The following PLCE1 variants were observed in gnomAD, a reference collection of about 807,000 sequenced individuals.
PLCE1 encodes the protein 1-phosphatidylinositol 4,5-bisphosphate phosphodiesterase epsilon-1.
Under a neutral mutation model 242.8 loss-of-function variants are expected in PLCE1, and 119 were observed. The ratio of observed to expected loss-of-function variants is 0.49; its 90% CI spans 0.42 to 0.57. The LOEUF (loss-of-function observed/expected upper bound fraction) is 0.57, where lower values mean the gene tolerates loss of function less well. PLCE1 is among the 20% of genes least tolerant of loss of function. The pLI is 0.00. For synonymous variants in PLCE1, 945 were observed against 1,017.4 expected, an observed-to-expected ratio of 0.93 and a Z score of 1.35; for missense variants, 2,441 against 2,788.8, an observed-to-expected ratio of 0.88 and a Z score of 2.81.
At chr10:94,293,766 T>C (rs2052716258) in intron 23 of PLCE1, 127 bp downstream of exon 23, 3 of 1,118,906 alleles carry the variant, frequency 2.7e-6, no homozygotes, top group Admixed American at 2.1e-5. Context: ...TGTCTGAGTA[T>C]AGTATAAATT....
intron 4 of PLCE1, among the ~76,000 whole-genome samples, chr10:94,185,975 G>A (rs182332522): frequency 3.3e-5 from 5 of 152,152 alleles, no homozygotes; most frequent in African/African-American, 9.7e-5. Flanking sequence ...GACGGACTTC[G>A]CTCCATTTCA....
intron 3 of PLCE1, among the ~76,000 whole-genome samples, chr10:94,150,666 C>T (rs2047247312): frequency 6.6e-6 from 1 of 152,160 alleles, no homozygotes; most frequent in East Asian, 1.9e-4. Context: ...TGGGAGTTCA[C>T]AGGAGGTTGA....
chr10:94,011,139 G>A (rs1453594344), intron 1 of PLCE1, among the ~76,000 whole-genome samples: 1 of 152,176 alleles, frequency 6.6e-6, no homozygotes, highest in Non-Finnish European at 1.5e-5. Context: ...CAGGCTGTAT[G>A]AGTATGGCAC....
intron 5 of PLCE1, among the ~76,000 whole-genome samples, chr10:94,229,683 A>G (rs1265947702): frequency 6.6e-6 from 1 of 152,160 alleles, no homozygotes; most frequent in Admixed American, 6.5e-5. Flanking sequence ...GATTCAACTG[A>G]GTTTAAATCC....
At chr10:94,107,638 A>G (rs1242545480) in intron 2 of PLCE1, 4 of 152,120 alleles carry the variant, frequency 2.6e-5, no homozygotes, top group Non-Finnish European at 5.9e-5. Flanking sequence ...AAGGTTTTAG[A>G]CAACTGCATG....
At chr10:94,157,315 C>T (rs2047464379) in intron 3 of PLCE1, among the ~76,000 whole-genome samples, 1 of 152,146 alleles carries the variant, frequency 6.6e-6, no homozygotes, top group Non-Finnish European at 1.5e-5. Context: ...AGATGGCTGA[C>T]TATTGAGGGC....
At chr10:94,091,052 T>C (rs760057960) in intron 2 of PLCE1, among the ~76,000 whole-genome samples, 27 of 152,194 alleles carry the variant, frequency 1.8e-4, no homozygotes, top group East Asian at 1.9e-4. Context: ...AAAATATATA[T>C]ATAATTTTTT....
chr10:94,244,179 G>A (rs2050600806), intron 7 of PLCE1, among the ~76,000 whole-genome samples: 1 of 152,030 alleles, frequency 6.6e-6, no homozygotes, highest in African/African-American at 2.4e-5. Flanking sequence ...AAGCAAGAAT[G>A]GTAATCTTGT....
chr10:94,107,654 A>G (rs763732252), intron 2 of PLCE1: 3 of 152,114 alleles, frequency 2.0e-5, no homozygotes, highest in Non-Finnish European at 2.9e-5. Context: ...GCATGGTAAT[A>G]CATTGCTGCT....
chr10:94,306,661 A>G lies in PLCE1; in HGVS notation c.5857A>G (p.Ile1953Val). The G allele has an allele frequency of 6.2e-7, 1 of 1,614,070 alleles. No individual in the cohort carries two copies. Reference sequence around the variant, plus strand: ...TAGTTCAGCGGTAACTGCTCAGAGAATCATTCCACTGAAAGCTTTAAAACG... The same window carrying G: ...TAGTTCAGCGGTAACTGCTCAGAGAGTCATTCCACTGAAAGCTTTAAAACG... ...NNSSAVTAQR[I>V]IPLKALKRGY... The change falls in exon 26 of 33, where the codon ATC (isoleucine) becomes GTC (valine). Residue 1953 changes from isoleucine to valine, a missense_variant. This residue lies in a region of PLCE1 where 1,004 missense variants were observed against 1,322.7 expected (regional missense o/e 0.76). Transcript: ENST00000371380. The surrounding 1 kb of genome is among the most constrained non-coding windows in gnomAD (Gnocchi z 5.7).
At chr10:94,132,038 C>A in intron 2 of PLCE1, 136 bp from the exon 3 acceptor site, 1 of 760,166 alleles carries the variant, frequency 1.3e-6, no homozygotes, top group Non-Finnish European at 2.2e-6. Flanking sequence ...AATGCATGAG[C>A]CGAGTGCTCA....
At chr10:94,100,732 G>A (rs1026490915) in intron 2 of PLCE1, 1 of 152,184 alleles carries the variant, frequency 6.6e-6, no homozygotes, top group Non-Finnish European at 1.5e-5. Context: ...TAACACTTTG[G>A]TGTGAGTTAA....
rs374806360 is a variant in PLCE1, at chr10:94,016,020, G to T, written c.-364-14663G>T. ...TTGATCAGCTTTTGGAGGAAACATT[G>T]AGCAATCTGGAAGCCGCTATATGTC... On this transcript the variant is annotated intron_variant, in intron 1 of 32. Coordinates refer to ENST00000371380, the MANE Select transcript of PLCE1 (RefSeq NM_016341.4). Among the ~76,000 whole-genome samples, 29 of 152,244 alleles carry T rather than the reference G, an allele frequency of 1.9e-4. No individual in the cohort carries two copies. The East Asian group carries it at 4.4e-3, about 23-fold the overall frequency.
intron 13 of PLCE1, among the ~76,000 whole-genome samples, chr10:94,261,956 C>A (rs1272806501): frequency 6.6e-6 from 1 of 151,888 alleles, no homozygotes; most frequent in African/African-American, 2.4e-5. Context: ...CCATGTAATA[C>A]CACATGGGAT....
chr10:94,317,248 C>CT (rs1176862779), intron 29 of PLCE1, among the ~76,000 whole-genome samples: 1 of 151,716 alleles, frequency 6.6e-6, no homozygotes, highest in African/African-American at 2.4e-5. Flanking sequence ...GAACAAGACT[C>CT]TGTCTCAAAA....
chr10:94,005,195 G>C (rs2061009386), intron 1 of PLCE1, among the ~76,000 whole-genome samples: 1 of 152,192 alleles, frequency 6.6e-6, no homozygotes, highest in Non-Finnish European at 1.5e-5. Context: ...AATCAGACTA[G>C]AATGTACAAG....
At chr10:94,123,490 G>C (rs972627871) in intron 2 of PLCE1, among the ~76,000 whole-genome samples, 3 of 152,228 alleles carry the variant, frequency 2.0e-5, no homozygotes, top group African/African-American at 7.2e-5. Flanking sequence ...TCTCTGCACA[G>C]GCATTTGAAT....
intron 2 of PLCE1, among the ~76,000 whole-genome samples, chr10:94,069,847 G>A (rs934420731): frequency 1.3e-4 from 20 of 152,144 alleles, no homozygotes; most frequent in Admixed American, 3.9e-4. Context: ...TAAGGAGTGC[G>A]TCTTCTGAGG....
chr10:94,009,844 T>C (rs915701769), intron 1 of PLCE1, among the ~76,000 whole-genome samples: 7 of 152,210 alleles, frequency 4.6e-5, no homozygotes, highest in African/African-American at 1.7e-4. Context: ...CCATGGCTGC[T>C]CTCGCAGGTT....
Sources: allele counts gnomAD v4.1 joint callset (sites outside exome capture counted in the v4.1 genomes callset), GRCh38; gene constraint gnomAD v4.1.1; regional missense constraint gnomAD v4.1.1; non-coding constraint Gnocchi (gnomAD v3.1); transcripts MANE v1.5; gene names NCBI Gene and HGNC (gene_info 2026-07-23, HGNC 2026-07-21).